The following MGAM variants were observed in gnomAD, a reference collection of about 807,000 sequenced individuals.
The protein encoded by MGAM is maltase-glucoamylase.
Under a neutral mutation model 358.8 loss-of-function variants are expected in MGAM, and 253 were observed. The observed-to-expected ratio is 0.71, with a 90% CI of 0.64 to 0.78. The LOEUF (loss-of-function observed/expected upper bound fraction) is 0.78, where lower values mean the gene tolerates loss of function less well. Ranked by LOEUF, MGAM falls within the 30% of genes least tolerant of loss-of-function variation. The pLI, the probability that MGAM is intolerant of heterozygous loss-of-function variation, is 0.00. For missense variants in MGAM, 3,080 were observed against 3,432.6 expected (o/e 0.90, Z 2.57); for synonymous variants, 1,105 against 1,227.1 (o/e 0.90, Z 2.08).
chr7:142,033,111 G>A (rs1488383718), intron 14 of MGAM, among the ~76,000 whole-genome samples: 1 of 151,994 alleles, frequency 6.6e-6, no homozygotes, highest in East Asian at 1.9e-4. Flanking sequence ...AATTCAAAAG[G>A]GGCAATCTAG....
At chr7:142,085,480 C>T (rs546836024) in intron 54 of MGAM, among the ~76,000 whole-genome samples, 32 of 146,010 alleles carry the variant, frequency 2.2e-4, no homozygotes, top group African/African-American at 7.8e-4. Flanking sequence ...TAAGCATGAA[C>T]CACTGATACC....
upstream of MGAM, among the ~76,000 whole-genome samples, chr7:141,993,705 G>C (rs1346238748): frequency 6.6e-6 from 1 of 152,162 alleles, no homozygotes; most frequent in Non-Finnish European, 1.5e-5. Flanking sequence ...GAGTTAGGCT[G>C]CAAACTACAG....
chr7:142,094,504 G>A lies in MGAM; in HGVS notation c.7306+7G>A. 6.5e-7 allele frequency: 1 copy of A among 1,549,142 alleles called. No homozygotes were observed. The highest frequency in any genetic ancestry group is 1.1e-5 in the South Asian group (1 of 88,362). On this transcript the variant is annotated splice_region_variant and intron_variant, in intron 61 of 70. Coordinates refer to ENST00000475668, the MANE Select transcript of MGAM (RefSeq NM_001365693.1). ...CTGAAGAAGTCTATCATTGGTGCGT[G>A]GGTCCTTCCCAGGGCCTGTGCCGGT...
chr7:142,043,030 CATA>C lies in MGAM; in HGVS notation c.2498+2188_2498+2190del, dbSNP rs1406796912. ...AAATATAATATATATAAAATATAAACATAATATCTAAATATAATATCTATATTA... is the reference window on the plus strand; with the variant it reads ...AAATATAATATATATAAAATATAAACATATCTAAATATAATATCTATATTA... On this transcript the variant is annotated intron_variant, in intron 21 of 70. Transcript: ENST00000475668. Among the ~76,000 whole-genome samples, 9 of 89,784 alleles carry C rather than the reference CATA, an allele frequency of 1.0e-4. 1 individual carries two copies. The highest frequency in any genetic ancestry group is 4.4e-4 in the African/African-American group (8 of 18,390). The allele number at this position is 89,784 out of a possible 152,430, so 58.9% of individuals were successfully genotyped here. A position where few individuals can be genotyped will look rare whatever the true frequency, so the allele number is the denominator to read the frequency against.
At chr7:141,988,310 A>G (rs1286917545) in intron 2 of MGAM, among the ~76,000 whole-genome samples, 10 of 152,020 alleles carry the variant, frequency 6.6e-5, no homozygotes, top group Non-Finnish European at 1.5e-4. Flanking sequence ...AAAAACAAAA[A>G]TATTTAAAAG....
Position 142,047,668 on chromosome 7 carries a change from G to A in MGAM, c.2499-117G>A, listed in dbSNP as rs1224465977. 3 of 926,978 alleles carry A rather than the reference G, an allele frequency of 3.2e-6. No homozygotes were observed. In the African/African-American group the frequency reaches 5.0e-5, roughly 15 times the overall value. The allele number at this position is 926,978 out of a possible 1,614,324, so 57.4% of individuals were successfully genotyped here. A position where few individuals can be genotyped will look rare whatever the true frequency, so the allele number is the denominator to read the frequency against. ...ATTTTGTGTTTGTGCCTGAAGAAAAGCAGAACCATCTGCTGCTAGTAACTT... is the reference window on the plus strand; with the variant it reads ...ATTTTGTGTTTGTGCCTGAAGAAAAACAGAACCATCTGCTGCTAGTAACTT... On this transcript the variant is annotated intron_variant, in intron 21 of 70. Transcript: ENST00000475668.
intron 5 of MGAM, 117 bp downstream of exon 5, chr7:142,021,200 T>C (rs1343152953): frequency 1.5e-6 from 1 of 670,398 alleles, no homozygotes; most frequent in South Asian, 2.0e-5. Context: ...TCTATATTGC[T>C]ATTATTAATT....
intron 70 of MGAM, among the ~76,000 whole-genome samples, chr7:142,104,095 G>T (rs1191412485): frequency 6.6e-6 from 1 of 152,026 alleles, no homozygotes; most frequent in African/African-American, 2.4e-5. Context: ...CCTGTGATCC[G>T]CCTGCCTTGG....
In MGAM at chr7:142,078,964, C is replaced by T. The variant is rs758327344; in HGVS notation, c.5803C>T (p.Arg1935Cys). Residue 1935 changes from arginine to cysteine, a missense_variant, in exon 49 of 71, where the codon CGC becomes TGC. Physicochemically the swap from Arg to Cys is radical, Grantham distance 180. This residue lies in a region of MGAM where 932 missense variants were observed against 1,198.2 expected (regional missense o/e 0.78). Coordinates refer to ENST00000475668, the MANE Select transcript of MGAM (RefSeq NM_001365693.1). ...CCCTTCCACACCCGTGAACCCCCTTCGCCTGGATGTCACTTACCATAAGAA... is the reference window on the plus strand; with the variant it reads ...CCCTTCCACACCCGTGAACCCCCTTTGCCTGGATGTCACTTACCATAAGAA... ...AFPSTPVNPL[R>C]LDVTYHKNEM... 34 of 1,555,748 alleles carry T rather than the reference C, an allele frequency of 2.2e-5. 4 individuals are homozygous for T. The highest frequency in any genetic ancestry group is 4.0e-5 in the African/African-American group (3 of 74,496).
intron 65 of MGAM, among the ~76,000 whole-genome samples, chr7:142,096,709 A>G (rs903687167): frequency 5.3e-5 from 8 of 152,190 alleles, no homozygotes; most frequent in East Asian, 1.9e-4. Context: ...GGAATAGAAG[A>G]TCAGATGGGG....
chr7:142,007,413 C>T (rs6971200), intron 2 of MGAM, among the ~76,000 whole-genome samples: 5,393 of 152,040 alleles, frequency 0.035, 314 homozygotes, highest in African/African-American at 0.12. Context: ...CAAGTGTTAA[C>T]CTGTGGCTTC....
At chr7:142,071,144 T>C in intron 44 of MGAM, 26 bp downstream of exon 44, 1 of 1,535,532 alleles carries the variant, frequency 6.5e-7, no homozygotes, top group African/African-American at 1.3e-5. Flanking sequence ...CAGGTTTTCC[T>C]TTACATTTCA....
rs749564983 is a variant in MGAM, at chr7:142,050,288, A to G, written c.2637+4A>G. 18 of 1,612,834 alleles carry G rather than the reference A, an allele frequency of 1.1e-5. No individual in the cohort carries two copies. In the African/African-American group the frequency reaches 1.9e-4, roughly 17 times the overall value. On this transcript the variant is annotated splice_donor_region_variant and intron_variant, in intron 23 of 70. Coordinates refer to ENST00000475668, the MANE Select transcript of MGAM (RefSeq NM_001365693.1). ...ATGTGAGTTTTCTGTCACTCAAGTG[A>G]GTAGCATATTTTTATGAATCTTAGG...
At chr7:142,020,068 CAAAA>C (rs10601773) in intron 4 of MGAM, among the ~76,000 whole-genome samples, 3 of 136,654 alleles carry the variant, frequency 2.2e-5, no homozygotes. Flanking sequence ...GACTCCGTCT[CAAAA>C]AAAAAAAAAA....
intron 22 of MGAM, among the ~76,000 whole-genome samples, chr7:142,048,394 C>T (rs141634460): frequency 4.0e-3 from 607 of 151,726 alleles, no homozygotes; most frequent in Middle Eastern, 0.014. Context: ...GTAATCTGCC[C>T]GGCTCGGCCC....
At chr7:142,040,634 G>A in intron 20 of MGAM, 88 bp from the exon 21 acceptor site, 1 of 1,495,200 alleles carries the variant, frequency 6.7e-7, no homozygotes, top group Non-Finnish European at 9.1e-7. Context: ...GGAAAAGGGA[G>A]AGAGCTGTGT....
chr7:142,007,480 G>A (rs1300915871), intron 2 of MGAM, among the ~76,000 whole-genome samples: 1 of 151,922 alleles, frequency 6.6e-6, no homozygotes, highest in Non-Finnish European at 1.5e-5. Context: ...GTAGAAAAAA[G>A]TCCCAAAGAT....
At chr7:142,083,526 G>A (rs1814504370) in intron 53 of MGAM, 113 bp downstream of exon 53, 2 of 793,734 alleles carry the variant, frequency 2.5e-6, no homozygotes, top group Non-Finnish European at 3.8e-6. Flanking sequence ...GGTATTACTT[G>A]GAAAGAGATT....
At chr7:142,001,638 T>C (rs1162135365) in intron 1 of MGAM, among the ~76,000 whole-genome samples, 4 of 152,126 alleles carry the variant, frequency 2.6e-5, no homozygotes, top group African/African-American at 9.7e-5. Flanking sequence ...TGCACCTATG[T>C]CCCAGGCAAT....
Sources: allele counts gnomAD v4.1 joint callset (sites outside exome capture counted in the v4.1 genomes callset), GRCh38; gene constraint gnomAD v4.1.1; regional missense constraint gnomAD v4.1.1; transcripts MANE v1.5; gene names NCBI Gene and HGNC (gene_info 2026-07-23, HGNC 2026-07-21).